Variants in BPNT1 observed in about 807,000 individuals in gnomAD.
BPNT1 encodes 3'(2'), 5'-bisphosphate nucleotidase 1.
Under a neutral mutation model 36.9 loss-of-function variants are expected in BPNT1, and 28 were observed. The ratio of observed to expected loss-of-function variants is 0.76; its 90% CI spans 0.56 to 1.04. BPNT1 has a LOEUF of 1.04. Among genes scored for constraint, BPNT1 ranks in the 50% least tolerant of loss-of-function variants. The pLI, the probability that BPNT1 is intolerant of heterozygous loss-of-function variation, is 0.00. For missense variants in BPNT1, 313 were observed against 372.9 expected, an observed-to-expected ratio of 0.84 and a Z score of 1.32; for synonymous variants, 119 against 130.9, an observed-to-expected ratio of 0.91 and a Z score of 0.62.
intron 3 of BPNT1, among the ~76,000 whole-genome samples, chr1:220,073,516 A>T (rs1281771993): frequency 6.6e-5 from 10 of 150,840 alleles, no homozygotes. Context: ...CTGGTCTTGA[A>T]CTCCTGACCT....
chr1:220,062,725 AC>A, intron 7 of BPNT1, 31 bp downstream of exon 7: 5 of 1,603,284 alleles, frequency 3.1e-6, no homozygotes, highest in Non-Finnish European at 4.3e-6. Flanking sequence ...ATTCACTTGC[AC>A]TTCAGAGCAG....
At chr1:220,059,632 A>G in intron 8 of BPNT1, 54 bp downstream of exon 8, 1 of 1,267,352 alleles carries the variant, frequency 7.9e-7, no homozygotes, top group Non-Finnish European at 1.1e-6. Flanking sequence ...ATTATGTCTT[A>G]GCATGATATA....
chr1:220,081,302 G>C (rs1655096513), intron 1 of BPNT1, among the ~76,000 whole-genome samples: 1 of 152,134 alleles, frequency 6.6e-6, no homozygotes, highest in Non-Finnish European at 1.5e-5. Flanking sequence ...CAGGATTTTG[G>C]GAGGCCGAGA....
At chr1:220,072,233 C>T (rs1435895771) in intron 4 of BPNT1, among the ~76,000 whole-genome samples, 2 of 151,540 alleles carry the variant, frequency 1.3e-5, no homozygotes, top group Non-Finnish European at 2.9e-5. Flanking sequence ...CATGGTGGTG[C>T]GCGCCTGTAG....
chr1:220,067,355 A>G lies in BPNT1; in HGVS notation c.421T>C (p.Tyr141His), dbSNP rs1226389533. The G allele has an allele frequency of 6.2e-7, 1 of 1,610,402 alleles. No homozygotes were observed. Among genetic ancestry groups the G allele is most frequent in the South Asian group, 1.1e-5 (1 of 90,648 alleles). ...ACTCCTGCTATGGCTTTTCCTTCAT[A>G]AGCAATTCCAATAAGAACTGTTACA... ...DNVTVLIGIA[Y>H]EGKAIAGVIN... is the part of the protein sequence containing the mutation. The change falls in exon 6 of 9, where the codon TAT becomes CAT. Residue 141 changes from tyrosine (Y) to histidine (H), a missense_variant. Physicochemically the swap from Tyr to His is moderately conservative, Grantham distance 83. Transcript: ENST00000322067.
Position 220,067,301 on chromosome 1 carries a change from C to A in BPNT1, c.474+1G>T. ...TTACTTTGTATCATTTATAGTAATACCTCATAGTTGTAATATGGCTGGTTA... is the reference window on the plus strand; with the variant it reads ...TTACTTTGTATCATTTATAGTAATAACTCATAGTTGTAATATGGCTGGTTA... On this transcript the variant is annotated splice_donor_variant, in intron 6 of 8. Transcript: ENST00000322067. LOFTEE classifies it high-confidence loss of function. 1.9e-6 allele frequency: 3 copies of A among 1,566,910 alleles called. No individual in the cohort carries two copies. Among genetic ancestry groups the A allele is most frequent in the East Asian group, 2.3e-5 (1 of 44,174 alleles).
intron 7 of BPNT1, among the ~76,000 whole-genome samples, chr1:220,060,129 T>C (rs1181908535): frequency 6.6e-6 from 1 of 152,078 alleles, no homozygotes; most frequent in Non-Finnish European, 1.5e-5. Context: ...GTAAAAGCAA[T>C]ATACATTTAC....
At chr1:220,059,221 A>G (rs901533642) in intron 8 of BPNT1, among the ~76,000 whole-genome samples, 1 of 146,930 alleles carries the variant, frequency 6.8e-6, no homozygotes, top group Non-Finnish European at 1.5e-5. Flanking sequence ...ATTAATATTA[A>G]TTTTATTTAG....
chr1:220,076,578 A>G (rs1664568418), intron 2 of BPNT1, among the ~76,000 whole-genome samples: 1 of 149,814 alleles, frequency 6.7e-6, no homozygotes, highest in Non-Finnish European at 1.5e-5. Context: ...CCAGCTACCC[A>G]GGAGGCTGAG....
chr1:220,078,798 A>AT (rs1664840873), intron 2 of BPNT1, among the ~76,000 whole-genome samples: 1 of 151,748 alleles, frequency 6.6e-6, no homozygotes, highest in South Asian at 2.1e-4. Context: ...GGGTTTCATC[A>AT]TGTTGGTCAG....
rs751103337 is a variant in BPNT1 at position 220,074,087 on chromosome 1, C to A, written c.121-16G>T. 2.5e-6 allele frequency: 4 copies of A among 1,603,136 alleles called. No homozygotes were observed. Among genetic ancestry groups the A allele is most frequent in the Non-Finnish European group, 8.5e-7 (1 of 1,175,404 alleles). On this transcript the variant is annotated splice_polypyrimidine_tract_variant and intron_variant, in intron 2 of 8. Transcript: ENST00000322067. ...TTGCACAGGTCTGTAATAAAGAATG[C>A]AAATTTTAGCAGAGCTAATGAAAAA... is the stretch of plus-strand genomic sequence containing the variant.
chr1:220,080,146 G>A (rs1334322683), intron 1 of BPNT1, among the ~76,000 whole-genome samples: 1 of 152,212 alleles, frequency 6.6e-6, no homozygotes, highest in African/African-American at 2.4e-5. Flanking sequence ...TGTGTATGAG[G>A]TCGTGGGTGA....
At chr1:220,085,388 GC>G (rs1300906867) in intron 1 of BPNT1, among the ~76,000 whole-genome samples, 1 of 152,226 alleles carries the variant, frequency 6.6e-6, no homozygotes, top group Non-Finnish European at 1.5e-5. Flanking sequence ...AGGCTCTGCA[GC>G]CCACTACCTG....
Position 220,062,779 on chromosome 1 carries a change from C to T in BPNT1, c.650G>A (p.Arg217Gln), listed in dbSNP as rs1301288172. 6.2e-7 allele frequency: 1 copy of T among 1,614,212 alleles called. No homozygotes were observed. The highest frequency in any genetic ancestry group is 1.1e-5 in the South Asian group (1 of 91,084). ...VAAMNPDAVL[R>Q]VGGAGNKIIQ... ...TACCTTATTTCCTGCTCCTCCTACT[C>T]GCAGCACAGCATCGGGGTTCATAGC... The change falls in exon 7 of 9, where the codon CGA becomes CAA. Residue 217 changes from arginine to glutamine, a missense_variant. By Grantham distance (43) the Arg-to-Gln change is conservative (BLOSUM62 1). Transcript: ENST00000322067.
At chr1:220,088,478 CAAAAAAAAAA>C (rs58383315) in intron 1 of BPNT1, among the ~76,000 whole-genome samples, 2 of 65,548 alleles carry the variant, frequency 3.1e-5, no homozygotes, top group Admixed American at 1.7e-4. Context: ...GACTCCGACT[CAAAAAAAAAA>C]AAAAAAAAAA....
intron 1 of BPNT1, among the ~76,000 whole-genome samples, chr1:220,082,091 G>C (rs796881348): frequency 7.9e-5 from 10 of 126,358 alleles, no homozygotes; most frequent in Middle Eastern, 4.3e-3. Context: ...TATATAGAGA[G>C]AGAGAGAGAG....
At chr1:220,082,087 G>T (rs2889876) in intron 1 of BPNT1, among the ~76,000 whole-genome samples, 17,492 of 72,380 alleles carry the variant, frequency 0.24, 1,276 homozygotes, top group East Asian at 0.35. Context: ...TATATATATA[G>T]AGAGAGAGAG....
In BPNT1 at chr1:220,057,783, A is replaced by T; in HGVS notation, c.*1061T>A. ...TTTCTCATAAATCTGTTTCATAAGC[A>T]TATATAATAACATCATATATATTCT... On this transcript the variant is annotated 3_prime_UTR_variant, in exon 9 of 9. Transcript: ENST00000322067. 9.5e-7 allele frequency: 1 copy of T among 1,047,530 alleles called. No homozygotes were observed. Among genetic ancestry groups the T allele is most frequent in the Non-Finnish European group, 1.3e-6 (1 of 765,836 alleles). The allele number at this position is 1,047,530 out of a possible 1,614,324, so 64.9% of individuals were successfully genotyped here.
chr1:220,070,421 C>G (rs1663956067), intron 4 of BPNT1, among the ~76,000 whole-genome samples: 1 of 152,126 alleles, frequency 6.6e-6, no homozygotes, highest in Non-Finnish European at 1.5e-5. Context: ...TCTCGGCTCA[C>G]TGCAACCTCT....
Sources: gnomAD v4.1 joint callset for allele counts (sites outside exome capture counted in the v4.1 genomes callset) on GRCh38, gnomAD v4.1.1 for gene constraint, MANE v1.5 for transcripts, NCBI Gene and HGNC (gene_info 2026-07-23, HGNC 2026-07-21) for gene names.